ITGB3BP: variants seen among roughly 807,000 people sequenced by gnomAD.
ITGB3BP encodes the protein centromere protein R.
A neutral mutation model predicts 29.1 loss-of-function variants in ITGB3BP; 27 were observed. The ratio of observed to expected loss-of-function variants is 0.93; its 90% CI spans 0.68 to 1.28. The LOEUF (loss-of-function observed/expected upper bound fraction) is 1.28, where lower values mean the gene tolerates loss of function less well. Among genes scored for constraint, ITGB3BP ranks in the 50% most tolerant of loss-of-function variants. ITGB3BP has a pLI of 0.00. For synonymous variants in ITGB3BP, 61 were observed against 61.4 expected (o/e 0.99, Z 0.03); for missense variants, 192 against 200.2 (o/e 0.96, Z 0.25).
At chr1:63,477,869 G>A (rs1253707367) in intron 4 of ITGB3BP, among the ~76,000 whole-genome samples, 1 of 152,086 alleles carries the variant, frequency 6.6e-6, no homozygotes, top group African/African-American at 2.4e-5. Flanking sequence ...TTTAACCCCT[G>A]TTCTGCTTAA....
At chr1:63,523,432 G>C, upstream of ITGB3BP, 1 of 489,174 alleles carries the variant, frequency 2.0e-6, no homozygotes, top group South Asian at 2.2e-5. Flanking sequence ...CAACACAGCT[G>C]TCTCTGTGCG....
chr1:63,525,665 AGAG>A, upstream of ITGB3BP: 2 of 1,601,878 alleles, frequency 1.2e-6, no homozygotes, highest in African/African-American at 1.4e-5. Context: ...CACTAACTGA[AGAG>A]GAAATATTTT....
chr1:63,488,284 G>A (rs1003110802), intron 3 of ITGB3BP, among the ~76,000 whole-genome samples: 1 of 152,012 alleles, frequency 6.6e-6, no homozygotes, highest in Non-Finnish European at 1.5e-5. Context: ...GAAGGTAAGA[G>A]TGGCTAAAGT....
intron 1 of ITGB3BP, among the ~76,000 whole-genome samples, chr1:63,515,825 T>TAAAAAAAAAAAAAAAAAAA (rs76881362): frequency 2.1e-5 from 1 of 48,594 alleles, no homozygotes; most frequent in African/African-American, 8.5e-5. Flanking sequence ...GACTCCAACT[T>TAAAAAAAAAAAAAAAAAAA]AAAAAAAAAA....
At chr1:63,473,882 C>A (rs1351207816) in intron 4 of ITGB3BP, among the ~76,000 whole-genome samples, 2 of 25,658 alleles carry the variant, frequency 7.8e-5, no homozygotes, top group African/African-American at 3.2e-4. Context: ...GAAGTGAGGA[C>A]CCCTCTGCCC....
At chr1:63,511,665 T>C (rs1369053333) in intron 1 of ITGB3BP, among the ~76,000 whole-genome samples, 1 of 152,138 alleles carries the variant, frequency 6.6e-6, no homozygotes, top group Non-Finnish European at 1.5e-5. Flanking sequence ...GAAGACATTA[T>C]GCTAAGTAAA....
intron 4 of ITGB3BP, among the ~76,000 whole-genome samples, chr1:63,474,435 C>A (rs1376346780): frequency 6.6e-6 from 1 of 151,152 alleles, no homozygotes; most frequent in East Asian, 2.0e-4. Context: ...ATGACAATGG[C>A]GGTTTTGTGG....
chr1:63,474,433 G>A (rs1645291811), intron 4 of ITGB3BP, among the ~76,000 whole-genome samples: 1 of 151,354 alleles, frequency 6.6e-6, no homozygotes, highest in South Asian at 2.1e-4. Flanking sequence ...TGATGACAAT[G>A]GCGGTTTTGT....
chr1:63,493,872 G>C (rs1318667138), intron 2 of ITGB3BP, among the ~76,000 whole-genome samples: 2 of 152,102 alleles, frequency 1.3e-5, no homozygotes, highest in Non-Finnish European at 2.9e-5. Context: ...TCACTATTTT[G>C]AACTGTCAGC....
At chr1:63,512,555 G>T (rs921425065) in intron 1 of ITGB3BP, among the ~76,000 whole-genome samples, 1 of 152,074 alleles carries the variant, frequency 6.6e-6, no homozygotes. Context: ...GGGGAAGAAT[G>T]GGGGGTAAAG....
At chr1:63,487,088 A>T (rs2100660304) in intron 3 of ITGB3BP, among the ~76,000 whole-genome samples, 1 of 151,988 alleles carries the variant, frequency 6.6e-6, no homozygotes, top group South Asian at 2.1e-4. Context: ...GATAAATTTT[A>T]TTTTTTATAA....
chr1:63,523,193 A>G lies in ITGB3BP; in HGVS notation c.-60T>C. On this transcript the variant is annotated 5_prime_UTR_variant, in exon 1 of 9. Transcript: ENST00000271002. Reference sequence around the variant, plus strand: ...AAAACGAACCCAGCAACTTCCGAAAACAGAAAATCCGCCAAAGGAAACGCC... The same window carrying G: ...AAAACGAACCCAGCAACTTCCGAAAGCAGAAAATCCGCCAAAGGAAACGCC... 6.2e-7 allele frequency: 1 copy of G among 1,611,812 alleles called. No individual in the cohort carries two copies. Among genetic ancestry groups the G allele is most frequent in the South Asian group, 1.1e-5 (1 of 90,996 alleles).
At chr1:63,523,005 G>A in intron 1 of ITGB3BP, 124 bp downstream of exon 1, 1 of 1,114,264 alleles carries the variant, frequency 9.0e-7, no homozygotes, top group Non-Finnish European at 1.4e-6. Context: ...ATTGCCTGTG[G>A]ACAGAGGAGA....
intron 1 of ITGB3BP, chr1:63,510,141 A>T (rs1646167773): frequency 1.6e-6 from 1 of 627,838 alleles, no homozygotes; most frequent in Non-Finnish European, 3.0e-6. Flanking sequence ...AGTGAACGGA[A>T]ATCGTGCCAT....
intron 2 of ITGB3BP, among the ~76,000 whole-genome samples, chr1:63,506,499 G>A (rs1030356724): frequency 6.6e-6 from 1 of 152,054 alleles, no homozygotes; most frequent in African/African-American, 2.4e-5. Context: ...TCTCCCACTG[G>A]GTCCCTCCCA....
rs189475758 is a variant in ITGB3BP, at chr1:63,488,113, C to A, written c.184+1970G>T. Among the ~76,000 whole-genome samples the A allele has an allele frequency of 6.6e-5, 10 of 152,170 alleles. No individual in the cohort carries two copies. In the East Asian group the frequency reaches 1.7e-3, roughly 26 times the overall value. ...TAAATTTTTCATCCTTTTATAACTA[C>A]AAATGGATTTAAATATAATATTAAG... is the stretch of plus-strand genomic sequence containing the variant. On this transcript the variant is annotated intron_variant, in intron 3 of 8. Transcript: ENST00000271002.
At chr1:63,480,110 T>C (rs12406864) in intron 3 of ITGB3BP, among the ~76,000 whole-genome samples, 30,595 of 152,004 alleles carry the variant, frequency 0.2, 3,424 homozygotes, top group African/African-American at 0.31. Flanking sequence ...AAATAAATGG[T>C]TACCTTCCAT....
At chr1:63,494,841 C>T (rs1043231399) in intron 2 of ITGB3BP, among the ~76,000 whole-genome samples, 5 of 152,140 alleles carry the variant, frequency 3.3e-5, no homozygotes, top group Non-Finnish European at 4.4e-5. Context: ...CTTTCTCTGT[C>T]GCCTAGACTG....
At chr1:63,464,122 T>C (rs1298131068) in intron 4 of ITGB3BP, among the ~76,000 whole-genome samples, 1 of 152,100 alleles carries the variant, frequency 6.6e-6, no homozygotes, top group African/African-American at 2.4e-5. Flanking sequence ...TTTTGACTTT[T>C]AGAACCATAA....
Sources: allele counts gnomAD v4.1 joint callset (sites outside exome capture counted in the v4.1 genomes callset), GRCh38; gene constraint gnomAD v4.1.1; transcripts MANE v1.5; gene names NCBI Gene and HGNC (gene_info 2026-07-23, HGNC 2026-07-21).